The following LRRC4C variants were observed in gnomAD, a reference collection of about 807,000 sequenced individuals.
LRRC4C encodes the protein leucine rich repeat containing 4C.
Under a neutral mutation model 33.6 loss-of-function variants are expected in LRRC4C, and 5 were observed. The ratio of observed to expected loss-of-function variants is 0.15; its 90% CI spans 0.08 to 0.31. The LOEUF (loss-of-function observed/expected upper bound fraction) is 0.31, where lower values mean the gene tolerates loss of function less well. LRRC4C is among the 10% of genes least tolerant of loss of function. The pLI, the probability that LRRC4C is intolerant of heterozygous loss-of-function variation, is 1.00. For missense variants in LRRC4C, 560 were observed against 796.7 expected (o/e 0.70, Z 3.58); for synonymous variants, 329 against 302.0 (o/e 1.09, Z -0.93).
intron 1 of LRRC4C, among the ~76,000 whole-genome samples, chr11:41,224,442 T>C (rs775613971): frequency 6.6e-6 from 1 of 152,202 alleles, no homozygotes; most frequent in African/African-American, 2.4e-5. Context: ...GGTGATAATA[T>C]TGGCCTAATG....
chr11:41,283,360 A>G (rs1189158961), intron 1 of LRRC4C, among the ~76,000 whole-genome samples: 1 of 152,170 alleles, frequency 6.6e-6, no homozygotes. Context: ...GAAACGACCT[A>G]AATATCTAAC....
In LRRC4C at chr11:40,144,228, T is replaced by C. The variant is rs556803513; in HGVS notation, c.-95-3375A>G. Among the ~76,000 whole-genome samples the C allele has an allele frequency of 1.0e-3, 154 of 152,298 alleles. 1 individual carries two copies. In the Middle Eastern group the frequency reaches 0.014, roughly 13 times the overall value. On this transcript the variant is annotated intron_variant, in intron 5 of 6. Coordinates refer to ENST00000528697, the MANE Select transcript of LRRC4C (RefSeq NM_001258419.2). Reference sequence around the variant, plus strand: ...TGGCATGTCATACATTCTCTAATAATGGAAACGATAATTATCTGAGAGTTA... The same window carrying C: ...TGGCATGTCATACATTCTCTAATAACGGAAACGATAATTATCTGAGAGTTA...
At chr11:41,348,054 C>G (rs1951856258) in intron 1 of LRRC4C, among the ~76,000 whole-genome samples, 1 of 152,274 alleles carries the variant, frequency 6.6e-6, no homozygotes, top group Non-Finnish European at 1.5e-5. Flanking sequence ...TAAGTATCTA[C>G]AAAATCTTCC....
chr11:41,192,825 G>C (rs1226163614), intron 1 of LRRC4C, among the ~76,000 whole-genome samples: 1 of 152,054 alleles, frequency 6.6e-6, no homozygotes, highest in African/African-American at 2.4e-5. Context: ...TTTAGAAAAG[G>C]TTTTGCTTAA....
chr11:40,451,186 A>G (rs551651540), intron 3 of LRRC4C, among the ~76,000 whole-genome samples: 2 of 151,810 alleles, frequency 1.3e-5, no homozygotes, highest in East Asian at 1.9e-4. Flanking sequence ...GCAAAAGTGG[A>G]TAAGTAGACA....
At chr11:40,137,647 A>G (rs1037945463) in intron 6 of LRRC4C, among the ~76,000 whole-genome samples, 2 of 152,192 alleles carry the variant, frequency 1.3e-5, no homozygotes, top group Non-Finnish European at 1.5e-5. Context: ...CAAATTAAGA[A>G]CAATGGAATT....
chr11:40,961,350 C>T (rs1288510092), intron 1 of LRRC4C, among the ~76,000 whole-genome samples: 2 of 151,532 alleles, frequency 1.3e-5, no homozygotes, highest in South Asian at 4.2e-4. Flanking sequence ...CATTTTGTTA[C>T]CAGGAAGCAA....
chr11:40,179,176 T>A (rs547026511), intron 5 of LRRC4C, among the ~76,000 whole-genome samples: 87 of 152,094 alleles, frequency 5.7e-4, no homozygotes, highest in East Asian at 1.2e-3. Context: ...GGATTTTTTT[T>A]AAAACTATTC....
intron 3 of LRRC4C, among the ~76,000 whole-genome samples, chr11:40,591,041 G>A (rs1044603381): frequency 1.3e-5 from 2 of 152,056 alleles, no homozygotes; most frequent in African/African-American, 4.8e-5. Flanking sequence ...GTTTACCTAA[G>A]CACGCCTGGG....
intron 3 of LRRC4C, among the ~76,000 whole-genome samples, chr11:40,547,447 C>T (rs1956968942): frequency 1.3e-5 from 2 of 152,032 alleles, no homozygotes. Flanking sequence ...CGGAGACTCT[C>T]TAGTTCCCTG....
At chr11:41,378,412 C>CCACAAA (rs1223584004) in intron 1 of LRRC4C, among the ~76,000 whole-genome samples, 3 of 152,046 alleles carry the variant, frequency 2.0e-5, no homozygotes, top group African/African-American at 7.2e-5. Flanking sequence ...CAAGGTATTG[C>CCACAAA]ATTAATTTTG....
At chr11:41,294,790 G>T (rs2137033316) in intron 1 of LRRC4C, among the ~76,000 whole-genome samples, 1 of 152,222 alleles carries the variant, frequency 6.6e-6, no homozygotes, top group Admixed American at 6.5e-5. Flanking sequence ...AATTAACAAG[G>T]ATAAGGGTAA....
chr11:40,371,579 C>T (rs1279330452), intron 3 of LRRC4C, among the ~76,000 whole-genome samples: 1 of 152,192 alleles, frequency 6.6e-6, no homozygotes, highest in African/African-American at 2.4e-5. Flanking sequence ...GGCTCTTGAG[C>T]ATTTTAACCC....
chr11:40,311,035 C>A (rs536902411), intron 4 of LRRC4C, among the ~76,000 whole-genome samples: 2 of 152,296 alleles, frequency 1.3e-5, no homozygotes, highest in South Asian at 2.1e-4. Context: ...GTGTCATTAT[C>A]TCTGCCAAAA....
chr11:40,874,718 C>A (rs1954804846), intron 2 of LRRC4C, among the ~76,000 whole-genome samples: 1 of 152,212 alleles, frequency 6.6e-6, no homozygotes, highest in Non-Finnish European at 1.5e-5. Context: ...TACAAATACA[C>A]AGATTTCATC....
chr11:40,565,933 A>G (rs1448752358), intron 3 of LRRC4C, among the ~76,000 whole-genome samples: 1 of 152,036 alleles, frequency 6.6e-6, no homozygotes, highest in African/African-American at 2.4e-5. Context: ...TTTTAGATAT[A>G]CCCAATACAA....
chr11:40,169,757 A>C (rs745796025), intron 5 of LRRC4C, among the ~76,000 whole-genome samples: 12 of 152,162 alleles, frequency 7.9e-5, no homozygotes, highest in Non-Finnish European at 1.3e-4. Context: ...ATTCCACTTA[A>C]AAAAAGAGAG....
chr11:40,645,168 T>A (rs539942298), intron 3 of LRRC4C, among the ~76,000 whole-genome samples: 1 of 152,248 alleles, frequency 6.6e-6, no homozygotes, highest in South Asian at 2.1e-4. Flanking sequence ...AACCTCAATC[T>A]AATGCCACCT....
intron 3 of LRRC4C, among the ~76,000 whole-genome samples, chr11:40,568,944 A>T (rs1014636266): frequency 1.3e-5 from 2 of 152,180 alleles, no homozygotes; most frequent in African/African-American, 4.8e-5. Flanking sequence ...TGAGTTCAAT[A>T]TGGGAAAATA....
Sources: gnomAD v4.1 joint callset for allele counts (sites outside exome capture counted in the v4.1 genomes callset) on GRCh38, gnomAD v4.1.1 for gene constraint, MANE v1.5 for transcripts, NCBI Gene and HGNC (gene_info 2026-07-23, HGNC 2026-07-21) for gene names.